Variants in ANKEF1 observed in about 807,000 individuals in gnomAD.
ANKEF1 encodes the protein ankyrin repeat and EF-hand domain containing 1, also known as ankyrin repeat and EF-hand domain-containing protein 1.
In ANKEF1, 43 loss-of-function variants were observed where a neutral mutation model predicts 65.1. That is an observed-to-expected ratio of 0.66 (90% confidence interval 0.52 to 0.85). The LOEUF (loss-of-function observed/expected upper bound fraction) is 0.85. Among genes scored for constraint, ANKEF1 ranks in the 40% least tolerant of loss-of-function variants. ANKEF1 has a pLI of 0.00. For missense variants in ANKEF1, 934 were observed against 952.9 expected (o/e 0.98, Z 0.26); for synonymous variants, 316 against 341.5 (o/e 0.93, Z 0.82).
intron 3 of ANKEF1, 70 bp downstream of exon 3, chr20:10,038,717 CTTTTTG>C (rs1244975781): frequency 1.0e-5 from 13 of 1,245,642 alleles, no homozygotes; most frequent in Non-Finnish European, 1.4e-5. Flanking sequence ...AACATGGACT[CTTTTTG>C]TTTTCCAACT....
chr20:10,035,098 G>C lies in ANKEF1; in HGVS notation c.-344G>C, dbSNP rs1218251588. 6.5e-6 allele frequency: 1 copy of C among 154,172 alleles called. No homozygotes were observed. 9.6% of individuals were successfully genotyped at this position (154,172 alleles called of 1,614,324 possible). The stretch of plus-strand genomic sequence containing the variant: ...CGCGCGCTCGCCTTCCGGGGACCCG[G>C]GGCCCATGGACACATACACCCAGCC... On this transcript the variant is annotated 5_prime_UTR_variant, in exon 1 of 11. Coordinates refer to ENST00000378392, the MANE Select transcript of ANKEF1 (RefSeq NM_022096.6).
At position 10,049,643 on chromosome 20, in the gene ANKEF1, C is replaced by A; in HGVS notation, c.1074C>A (p.Asp358Glu). Residue 358 changes from aspartate to glutamate, a missense_variant, in exon 7 of 11, where the codon GAC becomes GAA. Coordinates refer to ENST00000378392, the MANE Select transcript of ANKEF1 (RefSeq NM_022096.6). ...GTGATGGAAGCATCAGCAAGAACGA[C>A]TTCGTGATGGTGTTGGAGGAAAGGC... ...DRGDGSISKN[D>E]FVMVLEERQD... The A allele has an allele frequency of 6.2e-7, 1 of 1,614,118 alleles. No individual in the cohort carries two copies. Among genetic ancestry groups the A allele is most frequent in the African/African-American group, 1.3e-5 (1 of 75,022 alleles).
chr20:10,042,315 CT>C (rs1489547282), intron 3 of ANKEF1, among the ~76,000 whole-genome samples: 1 of 151,840 alleles, frequency 6.6e-6, no homozygotes, highest in African/African-American at 2.4e-5. Context: ...TATCAGTTTC[CT>C]TTTTCCTTGC....
At position 10,055,872 on chromosome 20, in the gene ANKEF1, T is replaced by TC. The variant is rs1352741271; in HGVS notation, c.*216dup. The TC allele has an allele frequency of 5.5e-5, 30 of 542,366 alleles. No individual in the cohort carries two copies. In the Admixed American group the frequency reaches 6.2e-4, roughly 11 times the overall value. 33.6% of individuals were successfully genotyped at this position (542,366 alleles called of 1,614,324 possible). ...TGAATGGTATGTCATTCTGGATAAATCCCCAAGCCCCTTTATGAATGTAGT... is the reference window on the plus strand; with the variant it reads ...TGAATGGTATGTCATTCTGGATAAATCCCCCAAGCCCCTTTATGAATGTAGT... On this transcript the variant is annotated 3_prime_UTR_variant, in exon 11 of 11. Coordinates refer to ENST00000378392, the MANE Select transcript of ANKEF1 (RefSeq NM_022096.6).
chr20:10,040,663 A>C (rs763221771), intron 3 of ANKEF1: 4 of 152,194 alleles, frequency 2.6e-5, no homozygotes, highest in African/African-American at 7.2e-5. Context: ...TGCCAGTTCT[A>C]TGATAAGGTA....
chr20:10,055,432 T>C, intron 10 of ANKEF1, 70 bp from the exon 11 acceptor site: 1 of 1,375,358 alleles, frequency 7.3e-7, no homozygotes, highest in Non-Finnish European at 1.0e-6. Flanking sequence ...TTGAAAATTG[T>C]CTGGATATTA....
At chr20:10,044,624 G>GC in intron 5 of ANKEF1, 81 bp downstream of exon 5, 1 of 1,448,866 alleles carries the variant, frequency 6.9e-7, no homozygotes. Context: ...ATGTCATATA[G>GC]AGTACGCTAA....
In ANKEF1 at chr20:10,035,279, C is replaced by G. The variant is rs545804147; in HGVS notation, c.-163C>G. ...GCCTCCCCGGTCGCCCCAGCAGGCC[C>G]AGGCACATAGGTGCCCAGAGATCCC... On this transcript the variant is annotated 5_prime_UTR_variant, in exon 1 of 11. Coordinates refer to ENST00000378392, the MANE Select transcript of ANKEF1 (RefSeq NM_022096.6). 1 of 152,566 alleles carries G rather than the reference C, an allele frequency of 6.6e-6. No homozygotes were observed. The highest frequency in any genetic ancestry group is 1.5e-5 in the Non-Finnish European group (1 of 68,212). 9.5% of individuals were successfully genotyped at this position (152,566 alleles called of 1,614,324 possible).
chr20:10,044,549 A>T lies in ANKEF1; in HGVS notation c.696+6A>T. 1 of 1,613,386 alleles carries T rather than the reference A, an allele frequency of 6.2e-7. No individual in the cohort carries two copies. On this transcript the variant is annotated splice_donor_region_variant and intron_variant, in intron 5 of 10. Coordinates refer to ENST00000378392, the MANE Select transcript of ANKEF1 (RefSeq NM_022096.6). ...CTAAAGGAGGCTTTTTCGATGTAAT[A>T]ATCTATTCTTTGCTTTAAAATTTGT...
Position 10,057,715 on chromosome 20 carries a change from T to C in ANKEF1, c.*2055T>C, listed in dbSNP as rs550460865. ...ATCACGATGTTCTTTTGCATAACAATATTACCATTGGCAAACTAAGGAAAT... is the reference window on the plus strand; with the variant it reads ...ATCACGATGTTCTTTTGCATAACAACATTACCATTGGCAAACTAAGGAAAT... On this transcript the variant is annotated 3_prime_UTR_variant, in exon 11 of 11. Transcript: ENST00000378392. The C allele has an allele frequency of 1.3e-5, 2 of 152,340 alleles. No homozygotes were observed. Among genetic ancestry groups the C allele is most frequent in the South Asian group, 4.1e-4 (2 of 4,828 alleles). 9.4% of individuals were successfully genotyped at this position (152,340 alleles called of 1,614,324 possible).
At chr20:10,052,590 G>A (rs1398719969) in intron 8 of ANKEF1, among the ~76,000 whole-genome samples, 4 of 152,148 alleles carry the variant, frequency 2.6e-5, no homozygotes, top group African/African-American at 7.2e-5. Flanking sequence ...CATACCTCTG[G>A]TTGGTTCAGG....
rs371097996 is a variant in ANKEF1, at chr20:10,051,896, G to A, written c.1870+7G>A. 305 of 1,586,340 alleles carry A rather than the reference G, an allele frequency of 1.9e-4. 1 individual carries two copies. Among genetic ancestry groups the A allele is most frequent in the South Asian group, 7.3e-4 (65 of 89,522 alleles). On this transcript the variant is annotated splice_region_variant and intron_variant, in intron 8 of 10. Coordinates refer to ENST00000378392, the MANE Select transcript of ANKEF1 (RefSeq NM_022096.6). ...CAGCTGGAAAATAGAAAAGGTATGC[G>A]TTCATATTATTGATGATTAGGGTTA... is the stretch of plus-strand genomic sequence containing the variant.
At chr20:10,053,412 T>G in intron 9 of ANKEF1, 137 bp downstream of exon 9, 1 of 653,268 alleles carries the variant, frequency 1.5e-6, no homozygotes, top group Non-Finnish European at 2.5e-6. Flanking sequence ...AATAGCATTA[T>G]TATATAGTAC....
rs941205011 is a variant in ANKEF1 at position 10,055,799 on chromosome 20, T to G, written c.*139T>G. On this transcript the variant is annotated 3_prime_UTR_variant, in exon 11 of 11. Coordinates refer to ENST00000378392, the MANE Select transcript of ANKEF1 (RefSeq NM_022096.6). ...AAGAATTTCTTTTTGCTTTAACAAC[T>G]ATAAATATTCTTAGCTGTCTAGAGA... is the stretch of plus-strand genomic sequence containing the variant. 2.6e-6 allele frequency: 2 copies of G among 767,660 alleles called. No homozygotes were observed. The highest frequency in any genetic ancestry group is 4.2e-6 in the Non-Finnish European group (2 of 479,038). The allele number at this position is 767,660 out of a possible 1,614,324, so 47.6% of individuals were successfully genotyped here.
rs751792542 is a variant in ANKEF1, at chr20:10,049,740, A to G, written c.1171A>G (p.Asn391Asp). ...TGAGAAAACCCGGGGAGGAGGGGTC[A>G]ATATTAATGAATTCTTTAAAGGAAC... ...LHEKTRGGGV[N>D]INEFFKGTRY... Residue 391 changes from asparagine to aspartate, a missense_variant, in exon 7 of 11, where the codon AAT (asparagine) becomes GAT (aspartate). By Grantham distance (23) the Asn-to-Asp change is conservative. Coordinates refer to ENST00000378392, the MANE Select transcript of ANKEF1 (RefSeq NM_022096.6). 6.2e-7 allele frequency: 1 copy of G among 1,614,132 alleles called. No individual in the cohort carries two copies. Among genetic ancestry groups the G allele is most frequent in the Admixed American group, 1.7e-5 (1 of 60,016 alleles).
chr20:10,057,992 A>C lies in ANKEF1; in HGVS notation c.*2332A>C, dbSNP rs471085. The C allele has an allele frequency of 0.26, 39,017 of 152,102 alleles. 5,316 individuals carry two copies. Among genetic ancestry groups the C allele is most frequent in the African/African-American group, 0.33 (13,804 of 41,474 alleles). The allele number at this position is 152,102 out of a possible 1,614,324, so 9.4% of individuals were successfully genotyped here. ...ACTTTGGTTTGTCTTAAATGTCTTC[A>C]AGAATAGATTCAGGTGATGCTTTTG... On this transcript the variant is annotated 3_prime_UTR_variant, in exon 11 of 11. Transcript: ENST00000378392.
intron 2 of ANKEF1, among the ~76,000 whole-genome samples, chr20:10,035,909 T>G (rs947947297): frequency 9.2e-5 from 14 of 152,246 alleles, no homozygotes; most frequent in Non-Finnish European, 2.1e-4. Context: ...CAAGACATTC[T>G]GCTCTATTCC....
Position 10,053,147 on chromosome 20 carries a change from G to T in ANKEF1, c.1906G>T (p.Asp636Tyr). 6.2e-7 allele frequency: 1 copy of T among 1,609,462 alleles called. No individual in the cohort carries two copies. Among genetic ancestry groups the T allele is most frequent in the Non-Finnish European group, 8.5e-7 (1 of 1,178,712 alleles). ...CATGGACGTTGCAAAGGCATATGCT[G>T]ATTATAGAATAATTGATCTGATTAA... Reference protein sequence around the residue: ...SAMDVAKAYADYRIIDLIKEK... With the variant: ...SAMDVAKAYAYYRIIDLIKEK... The change falls in exon 9 of 11, where the codon GAT becomes TAT. Residue 636 changes from aspartate to tyrosine, a missense_variant. Physicochemically the swap from Asp to Tyr is radical, Grantham distance 160 (BLOSUM62 -3). Coordinates refer to ENST00000378392, the MANE Select transcript of ANKEF1 (RefSeq NM_022096.6).
chr20:10,052,988 C>A (rs1600525215), intron 8 of ANKEF1, 124 bp from the exon 9 acceptor site: 3 of 904,574 alleles, frequency 3.3e-6, no homozygotes, highest in South Asian at 4.7e-5. Context: ...TGTATATATA[C>A]CCCTTGCTTT....
Sources: allele counts gnomAD v4.1 joint callset (sites outside exome capture counted in the v4.1 genomes callset), GRCh38; gene constraint gnomAD v4.1.1; transcripts MANE v1.5; gene names NCBI Gene and HGNC (gene_info 2026-07-23, HGNC 2026-07-21).